BCAS3: variants seen among roughly 807,000 people sequenced by gnomAD.
BCAS3 encodes BCAS3 microtubule associated cell migration factor.
BCAS3 carries 53 observed loss-of-function variants against 116.1 expected under a neutral mutation model. The ratio of observed to expected loss-of-function variants is 0.46; its 90% confidence interval spans 0.37 to 0.57. The LOEUF (loss-of-function observed/expected upper bound fraction) is 0.57, where lower values mean the gene tolerates loss of function less well. BCAS3 is among the 20% of genes least tolerant of loss of function. The pLI is 0.00. For synonymous variants in BCAS3, 391 were observed against 408.2 expected, an observed-to-expected ratio of 0.96 and a Z score of 0.51; for missense variants, 917 against 1,165.4, an observed-to-expected ratio of 0.79 and a Z score of 3.10.
In BCAS3 at chr17:60,871,480, A is replaced by G. The variant is rs117630883; in HGVS notation, c.584+2797A>G. Among the ~76,000 whole-genome samples, 19 of 152,202 alleles carry G rather than the reference A, an allele frequency of 1.2e-4. No homozygotes were observed. The East Asian group carries it at 3.7e-3, about 29-fold the overall frequency. ...ATCTCTCTATTTTCTTGATCAGTCT[A>G]CCTAGAGATTTGGTTTTATTTCCAG... On this transcript the variant is annotated intron_variant, in intron 8 of 23. Coordinates refer to ENST00000407086, the MANE Select transcript of BCAS3 (RefSeq NM_017679.5).
At chr17:61,067,271 G>GTATATATATATATA (rs1473028118) in intron 19 of BCAS3, among the ~76,000 whole-genome samples, 17 of 55,114 alleles carry the variant, frequency 3.1e-4, no homozygotes, top group African/African-American at 1.2e-3. Context: ...ATGTGTGTAT[G>GTATATATATATATA]TGTATATATA....
At chr17:60,878,230 G>A (rs999070999) in intron 9 of BCAS3, among the ~76,000 whole-genome samples, 7 of 151,978 alleles carry the variant, frequency 4.6e-5, no homozygotes, top group African/African-American at 1.7e-4. Flanking sequence ...GGCTGGTCTC[G>A]AACTCCTGAG....
chr17:60,809,022 G>T (rs760545860), intron 7 of BCAS3, among the ~76,000 whole-genome samples: 2 of 152,048 alleles, frequency 1.3e-5, no homozygotes, highest in African/African-American at 4.8e-5. Context: ...GGTGACTCAC[G>T]CCTGTAATCC....
At chr17:60,929,332 G>A (rs1415830984) in intron 13 of BCAS3, among the ~76,000 whole-genome samples, 1 of 152,134 alleles carries the variant, frequency 6.6e-6, no homozygotes, top group African/African-American at 2.4e-5. Flanking sequence ...GGGAGGCTGA[G>A]ATGGAAGACT....
intron 14 of BCAS3, among the ~76,000 whole-genome samples, chr17:60,955,405 TGA>T (rs1442176926): frequency 4.0e-5 from 6 of 148,864 alleles, no homozygotes; most frequent in Admixed American, 1.3e-4. Flanking sequence ...TTTTTTTTTT[TGA>T]GACAGAGTCT....
intron 19 of BCAS3, 55 bp from the exon 20 acceptor site, chr17:61,074,865 T>C: frequency 7.9e-7 from 1 of 1,262,924 alleles, no homozygotes; most frequent in South Asian, 1.4e-5. Flanking sequence ...TGCCCACGTC[T>C]GTTTTTCCAC....
chr17:61,009,597 A>T (rs1040276919), intron 15 of BCAS3, among the ~76,000 whole-genome samples: 1 of 152,064 alleles, frequency 6.6e-6, no homozygotes, highest in Non-Finnish European at 1.5e-5. Flanking sequence ...AAATTTTTTA[A>T]AGGTAGAAAG....
rs2058707707 is a variant in BCAS3, at chr17:61,365,988, C to G, written c.2426-2339C>G. Among the ~76,000 whole-genome samples, 1 of 151,996 alleles carries G rather than the reference C, an allele frequency of 6.6e-6. No homozygotes were observed. The highest frequency in any genetic ancestry group is 1.5e-5 in the Non-Finnish European group (1 of 67,996). ...TGAAACCCCGTCTCTACTAAAAACA[C>G]AAAAATTAGCCAGGCATGATGGCAC... On this transcript the variant is annotated intron_variant, in intron 22 of 23. Coordinates refer to ENST00000407086, the MANE Select transcript of BCAS3 (RefSeq NM_017679.5). The surrounding 1 kb of genome is among the most constrained non-coding windows in gnomAD (Gnocchi z 4.6).
At chr17:61,373,079 G>A (rs953341325) in intron 23 of BCAS3, among the ~76,000 whole-genome samples, 2 of 139,464 alleles carry the variant, frequency 1.4e-5, no homozygotes, top group African/African-American at 5.2e-5. Flanking sequence ...CCAGATCCGT[G>A]TGTAAAGTAT....
At position 61,144,535 on chromosome 17, in the gene BCAS3, A is replaced by G. The variant is rs2077094678; in HGVS notation, c.2425+59971A>G. 6.6e-6 allele frequency among the ~76,000 whole-genome samples: 1 copy of G among 152,220 alleles called. No individual in the cohort carries two copies. On this transcript the variant is annotated intron_variant, in intron 22 of 23. Coordinates refer to ENST00000407086, the MANE Select transcript of BCAS3 (RefSeq NM_017679.5). The surrounding 1 kb of genome is among the most constrained non-coding windows in gnomAD (Gnocchi z 5.0). ...CCTTTTTAGGCCTAAAATGTTGACT[A>G]CTTTATCTCTGTTACCTTTCTGAAA...
At chr17:61,295,583 A>G (rs1269145118) in intron 22 of BCAS3, among the ~76,000 whole-genome samples, 1 of 152,102 alleles carries the variant, frequency 6.6e-6, no homozygotes, top group Non-Finnish European at 1.5e-5. Flanking sequence ...TTACCTGGTT[A>G]TAGTAAAGCC....
intron 22 of BCAS3, among the ~76,000 whole-genome samples, chr17:61,252,272 C>G (rs759645342): frequency 5.3e-5 from 8 of 152,108 alleles, no homozygotes; most frequent in Non-Finnish European, 8.8e-5. Flanking sequence ...TAAAGGAAAG[C>G]AATGTGGTAA....
chr17:60,892,992 G>A (rs148068829), intron 10 of BCAS3, among the ~76,000 whole-genome samples: 18 of 152,174 alleles, frequency 1.2e-4, no homozygotes, highest in Middle Eastern at 3.4e-3. Flanking sequence ...GTTTTAAGTT[G>A]CATTTCTCTG....
In BCAS3 at chr17:61,077,466, G is replaced by C. The variant is rs2072124128; in HGVS notation, c.2131-867G>C. On this transcript the variant is annotated intron_variant, in intron 20 of 23. Coordinates refer to ENST00000407086, the MANE Select transcript of BCAS3 (RefSeq NM_017679.5). The surrounding 1 kb of genome is among the most constrained non-coding windows in gnomAD (Gnocchi z 4.3). ...CAGGAGGCGGAGCTTGCAGTGAGCGGAGATCACGCCACTGCACTCCAGTCT... is the reference window on the plus strand; with the variant it reads ...CAGGAGGCGGAGCTTGCAGTGAGCGCAGATCACGCCACTGCACTCCAGTCT... Among the ~76,000 whole-genome samples the C allele has an allele frequency of 6.6e-6, 1 of 152,084 alleles. No homozygotes were observed. The highest frequency in any genetic ancestry group is 1.5e-5 in the Non-Finnish European group (1 of 68,028).
Position 60,990,110 on chromosome 17 carries a change from G to A in BCAS3, c.1361G>A (p.Arg454His), listed in dbSNP as rs779645653. ...RTHMSPRVVN[R>H]MSRFQKSAGL... ...CATATGTCACCACGAGTAGTGAATC[G>A]CATGAGCCGTTTCCAGAAAAGTGCT... The change falls in exon 15 of 24, where the codon CGC (arginine) becomes CAC (histidine). Residue 454 changes from arginine to histidine, a missense_variant. Arg to His is a conservative substitution (Grantham distance 29). This residue lies in a region of BCAS3 where 807 missense variants were observed against 1,026.0 expected (regional missense o/e 0.79). Coordinates refer to ENST00000407086, the MANE Select transcript of BCAS3 (RefSeq NM_017679.5). The surrounding 1 kb of genome is among the most constrained non-coding windows in gnomAD (Gnocchi z 5.1). The A allele has an allele frequency of 6.8e-6, 11 of 1,614,096 alleles. No homozygotes were observed. Among genetic ancestry groups the A allele is most frequent in the East Asian group, 2.2e-5 (1 of 44,878 alleles).
chr17:61,093,646 C>T (rs749395223), intron 22 of BCAS3, among the ~76,000 whole-genome samples: 9 of 152,240 alleles, frequency 5.9e-5, no homozygotes, highest in East Asian at 1.9e-4. Context: ...TAGTTTCTTC[C>T]GGTTGCTCCC....
chr17:61,102,501 A>G (rs1392011817), intron 22 of BCAS3, among the ~76,000 whole-genome samples: 1 of 152,128 alleles, frequency 6.6e-6, no homozygotes, highest in Non-Finnish European at 1.5e-5. Context: ...TTTTTTTCAG[A>G]AGAAGGTGTG....
intron 7 of BCAS3, chr17:60,851,243 C>T: frequency 4.4e-6 from 1 of 225,168 alleles, no homozygotes; most frequent in Non-Finnish European, 9.3e-6. Flanking sequence ...AATGAACAAT[C>T]CTATTAAAAA....
rs1437314645 is a variant in BCAS3 at position 60,709,233 on chromosome 17, C to T, written c.229C>T (p.Leu77=). 1.9e-6 allele frequency: 3 copies of T among 1,544,562 alleles called. No individual in the cohort carries two copies. Among genetic ancestry groups the T allele is most frequent in the South Asian group, 1.1e-5 (1 of 87,830 alleles). Residue 77 remains leucine, a synonymous_variant, in exon 5 of 24, where the codon CTG becomes TTG. Transcript: ENST00000407086. ...NADLNDTSRN[L]EFHEIHSTGN... ...TTCTAATGCAGATACATCAAGAAATCTGGAATTTCATGAAATACATAGTAC... is the reference window on the plus strand; with the variant it reads ...TTCTAATGCAGATACATCAAGAAATTTGGAATTTCATGAAATACATAGTAC...
Sources: gnomAD v4.1 joint callset for allele counts (sites outside exome capture counted in the v4.1 genomes callset) on GRCh38, gnomAD v4.1.1 for gene constraint, gnomAD v4.1.1 regional missense constraint, Gnocchi (gnomAD v3.1) non-coding constraint, MANE v1.5 for transcripts, NCBI Gene and HGNC (gene_info 2026-07-23, HGNC 2026-07-21) for gene names.